The following KIAA0513 variants were observed in gnomAD, a reference collection of about 807,000 sequenced individuals.
The protein encoded by KIAA0513 is uncharacterized protein KIAA0513.
In KIAA0513, 39 loss-of-function variants were observed where a neutral mutation model predicts 56.5. The observed-to-expected ratio is 0.69, with a 90% confidence interval of 0.53 to 0.90. The LOEUF (loss-of-function observed/expected upper bound fraction) is 0.90, where lower values mean the gene tolerates loss of function less well. Among genes scored for constraint, KIAA0513 ranks in the 40% least tolerant of loss-of-function variants. The pLI is 0.00. For missense variants in KIAA0513, 591 were observed against 535.2 expected, an observed-to-expected ratio of 1.10 and a Z score of -1.03; for synonymous variants, 268 against 215.6, an observed-to-expected ratio of 1.24 and a Z score of -2.13.
chr16:85,070,771 A>G (rs1327903656), intron 2 of KIAA0513, among the ~76,000 whole-genome samples: 1 of 152,216 alleles, frequency 6.6e-6, no homozygotes. Context: ...TGTTTGACCA[A>G]CACTGAGATG....
At position 85,089,365 on chromosome 16, in the gene KIAA0513, C is replaced by G. The variant is rs951949900; in HGVS notation, c.*1040C>G. ...TGCCTCTAAGCGCTGAGCATTGGGCCCCTTCCCCACCAGACCTTTGTAGCT... is the reference window on the plus strand; with the variant it reads ...TGCCTCTAAGCGCTGAGCATTGGGCGCCTTCCCCACCAGACCTTTGTAGCT... On this transcript the variant is annotated 3_prime_UTR_variant, in exon 13 of 13. Transcript: ENST00000683363. This position sits in a 1 kb window ranked among gnomAD's most constrained non-coding sequence, Gnocchi z 4.2. 2.0e-5 allele frequency: 3 copies of G among 152,576 alleles called. No homozygotes were observed. Among genetic ancestry groups the G allele is most frequent in the African/African-American group, 7.2e-5 (3 of 41,474 alleles). The allele number at this position is 152,576 out of a possible 1,614,324, so 9.5% of individuals were successfully genotyped here. A position where few individuals can be genotyped will look rare whatever the true frequency, so the allele number is the denominator to read the frequency against.
At chr16:85,083,202 G>T (rs2073768758) in intron 10 of KIAA0513, among the ~76,000 whole-genome samples, 1 of 152,292 alleles carries the variant, frequency 6.6e-6, no homozygotes, top group Non-Finnish European at 1.5e-5. Context: ...CCGAGAATGG[G>T]GCTGTTTCCT....
chr16:85,045,206 A>T (rs1376500248), intron 1 of KIAA0513, among the ~76,000 whole-genome samples: 2 of 152,156 alleles, frequency 1.3e-5, no homozygotes, highest in African/African-American at 4.8e-5. Context: ...GCGTTTCTGG[A>T]CATCTCTGTG....
rs781563668 is a variant in KIAA0513, at chr16:85,092,928, G to C, written c.*4603G>C. ...AAGCACATCAAGACTGTTCTCCTGC[G>C]GCCAACACTGGCCCGGAAGCCGCCC... On this transcript the variant is annotated 3_prime_UTR_variant, in exon 13 of 13. Transcript: ENST00000683363. The C allele has an allele frequency of 6.6e-6, 1 of 152,228 alleles. No homozygotes were observed. The highest frequency in any genetic ancestry group is 6.5e-5 in the Admixed American group (1 of 15,280). The allele number at this position is 152,228 out of a possible 1,614,324, so 9.4% of individuals were successfully genotyped here.
intron 1 of KIAA0513, among the ~76,000 whole-genome samples, chr16:85,028,649 T>C (rs1300765048): frequency 6.6e-6 from 1 of 151,892 alleles, no homozygotes; most frequent in African/African-American, 2.4e-5. Context: ...GGTTTGTGCT[T>C]TCCTGGGTTG....
intron 1 of KIAA0513, among the ~76,000 whole-genome samples, chr16:85,058,640 G>A (rs28645585): frequency 0.088 from 12,652 of 144,272 alleles, 1,742 homozygotes; most frequent in African/African-American, 0.3. Flanking sequence ...CAACAAGAGC[G>A]GAACTCCATC....
chr16:85,050,301 C>G (rs1328684824), intron 1 of KIAA0513, among the ~76,000 whole-genome samples: 1 of 151,754 alleles, frequency 6.6e-6, no homozygotes, highest in East Asian at 1.9e-4. Context: ...TCAAAGACTC[C>G]TACTCTGGAG....
rs2073896310 is a variant in KIAA0513, at chr16:85,093,921, T to G, written c.*5596T>G. ...GCCCCCGTTGGAACTATCAGTGGCG[T>G]CTCCCATGCACACGCCCTCTGCTTT... On this transcript the variant is annotated 3_prime_UTR_variant, in exon 13 of 13. Coordinates refer to ENST00000683363, the MANE Select transcript of KIAA0513 (RefSeq NM_001388359.1). The G allele has an allele frequency of 6.6e-6, 1 of 152,212 alleles. No homozygotes were observed. Among genetic ancestry groups the G allele is most frequent in the Non-Finnish European group, 1.5e-5 (1 of 68,056 alleles). The allele number at this position is 152,212 out of a possible 1,614,324, so 9.4% of individuals were successfully genotyped here. A position where few individuals can be genotyped will look rare whatever the true frequency, so the allele number is the denominator to read the frequency against.
intron 1 of KIAA0513, among the ~76,000 whole-genome samples, chr16:85,062,450 G>C (rs550237458): frequency 1.3e-5 from 2 of 152,298 alleles, no homozygotes; most frequent in East Asian, 3.9e-4. Flanking sequence ...GTAACCGCAG[G>C]GGGGTTGCAG....
intron 1 of KIAA0513, among the ~76,000 whole-genome samples, chr16:85,055,833 G>T (rs544211492): frequency 6.6e-6 from 1 of 152,206 alleles, no homozygotes; most frequent in African/African-American, 2.4e-5. Flanking sequence ...CCTGTGAGTT[G>T]TAATTCATCA....
At chr16:85,071,742 G>GTTTT in intron 2 of KIAA0513, 41 bp from the exon 3 acceptor site, 17 of 1,090,994 alleles carry the variant, frequency 1.6e-5, no homozygotes, top group South Asian at 5.9e-5. Context: ...ATTGAAAAGG[G>GTTTT]TTTTTTTTTT....
At chr16:85,037,554 A>T (rs916841346) in intron 1 of KIAA0513, among the ~76,000 whole-genome samples, 1 of 152,202 alleles carries the variant, frequency 6.6e-6, no homozygotes, top group South Asian at 2.1e-4. Flanking sequence ...GTAATTTTTT[A>T]AAAACTTAAT....
chr16:85,080,554 G>A lies in KIAA0513; in HGVS notation c.903-761G>A, dbSNP rs191353138. Among the ~76,000 whole-genome samples, 834 of 152,266 alleles carry A rather than the reference G, an allele frequency of 5.5e-3. 6 individuals are homozygous for A. The highest frequency in any genetic ancestry group is 9.8e-3 in the Non-Finnish European group (667 of 68,022). On this transcript the variant is annotated intron_variant, in intron 8 of 12. Coordinates refer to ENST00000683363, the MANE Select transcript of KIAA0513 (RefSeq NM_001388359.1). Reference sequence around the variant, plus strand: ...CATGCCTGCAATCCCAGCACTTTGGGAGGCCAAAGCGGGTAGATTACCTGT... The same window carrying A: ...CATGCCTGCAATCCCAGCACTTTGGAAGGCCAAAGCGGGTAGATTACCTGT...
At chr16:85,069,129 C>T (rs989266400) in intron 2 of KIAA0513, among the ~76,000 whole-genome samples, 4 of 151,922 alleles carry the variant, frequency 2.6e-5, no homozygotes, top group African/African-American at 9.7e-5. Context: ...CTCCTAGGCT[C>T]AAGCAGTCTT....
At position 85,067,424 on chromosome 16, in the gene KIAA0513, C is replaced by T. The variant is rs375969237; in HGVS notation, c.329+24C>T. 3.5e-5 allele frequency: 54 copies of T among 1,563,872 alleles called. No individual in the cohort carries two copies. The Middle Eastern group carries it at 1.4e-3, about 39-fold the overall frequency. On this transcript the variant is annotated intron_variant, in intron 2 of 12. Transcript: ENST00000683363. ...GGGTAAGGGGCCTGTGTGGACGAGA[C>T]AGCCTGGTGTGGCCACAGGGCCCAA...
intron 4 of KIAA0513, among the ~76,000 whole-genome samples, chr16:85,074,298 A>G (rs966150841): frequency 3.3e-5 from 5 of 151,122 alleles, no homozygotes; most frequent in African/African-American, 1.2e-4. Flanking sequence ...ATATACATAT[A>G]TATATACACA....
chr16:85,072,010 A>T, intron 3 of KIAA0513, 128 bp downstream of exon 3: 1 of 652,040 alleles, frequency 1.5e-6, no homozygotes. Context: ...ACCCAACAGT[A>T]AAAAAAGTAA....
rs1284111689 is a variant in KIAA0513 at position 85,067,094 on chromosome 16, TG to T, written c.26del (p.Gly9AlafsTer3). On this transcript the variant is annotated frameshift_variant, in exon 2 of 13. Transcript: ENST00000683363. ...GCCATGGAGACCCCAGAGGTCCCCG[TG>T]GGCTCGCTAATCGACTTTGGGCCTG... is the stretch of plus-strand genomic sequence containing the variant. METPEVPVGSLIDFGPEA... is the reference protein window; with the variant it reads METPEVPXGSLIDFGPEA... 6.3e-7 allele frequency: 1 copy of T among 1,595,472 alleles called. No individual in the cohort carries two copies. Among genetic ancestry groups the T allele is most frequent in the Admixed American group, 1.7e-5 (1 of 59,164 alleles).
At chr16:85,070,789 T>C (rs1252562699) in intron 2 of KIAA0513, among the ~76,000 whole-genome samples, 1 of 152,240 alleles carries the variant, frequency 6.6e-6, no homozygotes, top group Non-Finnish European at 1.5e-5. Context: ...ATGGGTGCGC[T>C]TTCTCTGAGC....
Sources: allele counts gnomAD v4.1 joint callset (sites outside exome capture counted in the v4.1 genomes callset), GRCh38; gene constraint gnomAD v4.1.1; non-coding constraint Gnocchi (gnomAD v3.1); transcripts MANE v1.5; gene names NCBI Gene and HGNC (gene_info 2026-07-23, HGNC 2026-07-21).